Variants in KLHL1 observed in about 807,000 individuals in gnomAD.
KLHL1 encodes the protein kelch like family member 1.
In KLHL1, 47 loss-of-function variants were observed where a neutral mutation model predicts 77.7. The ratio of observed to expected loss-of-function variants is 0.60; its 90% CI spans 0.48 to 0.77. The LOEUF (loss-of-function observed/expected upper bound fraction) is 0.77, where lower values mean the gene tolerates loss of function less well. Among genes scored for constraint, KLHL1 ranks in the 30% least tolerant of loss-of-function variants. The pLI, the probability that KLHL1 is intolerant of heterozygous loss-of-function variation, is 0.00. For missense variants in KLHL1, 925 were observed against 910.8 expected (o/e 1.02, Z -0.20); for synonymous variants, 360 against 325.2 (o/e 1.11, Z -1.15).
chr13:69,934,716 C>A (rs1403125954), intron 4 of KLHL1, among the ~76,000 whole-genome samples: 1 of 151,270 alleles, frequency 6.6e-6, no homozygotes, highest in East Asian at 1.9e-4. Flanking sequence ...TTGTCCCTCT[C>A]CACCATCCCA....
intron 9 of KLHL1, among the ~76,000 whole-genome samples, chr13:69,710,529 GAA>G (rs1229874242): frequency 6.6e-6 from 1 of 151,938 alleles, no homozygotes; most frequent in Non-Finnish European, 1.5e-5. Context: ...TTTAGGAAGA[GAA>G]GAGATCACAC....
At chr13:70,057,577 C>T (rs955012360) in intron 1 of KLHL1, among the ~76,000 whole-genome samples, 5 of 148,398 alleles carry the variant, frequency 3.4e-5, no homozygotes, top group Non-Finnish European at 7.4e-5. Context: ...GAGATCGAGA[C>T]CATCCTGGCT....
chr13:69,952,539 A>G (rs1641025607), intron 3 of KLHL1, among the ~76,000 whole-genome samples: 1 of 151,298 alleles, frequency 6.6e-6, no homozygotes, highest in African/African-American at 2.4e-5. Flanking sequence ...TCTCTGGTTG[A>G]GTATTGTGAC....
At chr13:69,899,210 G>C (rs1438903061) in intron 4 of KLHL1, among the ~76,000 whole-genome samples, 1 of 152,150 alleles carries the variant, frequency 6.6e-6, no homozygotes, top group African/African-American at 2.4e-5. Flanking sequence ...TTGTTGCATG[G>C]CTCTTCAGAC....
intron 4 of KLHL1, among the ~76,000 whole-genome samples, chr13:69,926,952 A>G (rs1426701201): frequency 1.4e-5 from 2 of 147,850 alleles, no homozygotes; most frequent in African/African-American, 4.9e-5. Flanking sequence ...ATCTCAAAAA[A>G]AAAAAAAAAA....
chr13:69,755,385 C>T (rs1874664721), intron 7 of KLHL1, among the ~76,000 whole-genome samples: 1 of 151,950 alleles, frequency 6.6e-6, no homozygotes, highest in Admixed American at 6.6e-5. Flanking sequence ...CCTGCAGAAC[C>T]ATGAGCCAAT....
intron 1 of KLHL1, among the ~76,000 whole-genome samples, chr13:70,054,980 TAGAGAC>T (rs1886709602): frequency 6.6e-6 from 1 of 151,240 alleles, no homozygotes; most frequent in Non-Finnish European, 1.5e-5. Flanking sequence ...AGGGAGGAGA[TAGAGAC>T]ATAAATTGGG....
chr13:70,085,745 T>A (rs1452318109), intron 1 of KLHL1, among the ~76,000 whole-genome samples: 2 of 152,060 alleles, frequency 1.3e-5, no homozygotes, highest in African/African-American at 4.8e-5. Flanking sequence ...GCACCTGTAA[T>A]CCCAGCTACT....
At chr13:69,844,045 A>C (rs971536224) in intron 5 of KLHL1, among the ~76,000 whole-genome samples, 2 of 151,666 alleles carry the variant, frequency 1.3e-5, no homozygotes, top group East Asian at 3.9e-4. Context: ...GATAAGGATT[A>C]TATCAAATTT....
intron 5 of KLHL1, among the ~76,000 whole-genome samples, chr13:69,846,328 AG>A (rs1879458550): frequency 6.6e-6 from 1 of 151,564 alleles, no homozygotes. Context: ...GATGCGTTAT[AG>A]GGTAACCCAG....
chr13:69,893,320 C>T (rs1459518789), intron 4 of KLHL1, among the ~76,000 whole-genome samples: 2 of 150,896 alleles, frequency 1.3e-5, no homozygotes, highest in Non-Finnish European at 3.0e-5. Flanking sequence ...CTGCAAGCTC[C>T]GCTTCCCGGG....
chr13:69,919,167 TA>T (rs1882546233), intron 4 of KLHL1, among the ~76,000 whole-genome samples: 1 of 152,052 alleles, frequency 6.6e-6, no homozygotes, highest in Non-Finnish European at 1.5e-5. Context: ...ATATTATACT[TA>T]ATAAAAAGAA....
intron 1 of KLHL1, among the ~76,000 whole-genome samples, chr13:70,057,625 A>C (rs1337360276): frequency 6.6e-6 from 1 of 150,450 alleles, no homozygotes; most frequent in Non-Finnish European, 1.5e-5. Flanking sequence ...AAATACAAAA[A>C]ATTAGCCGGG....
Position 69,811,053 on chromosome 13 carries a change from C to A in KLHL1, c.1415-14091G>T, listed in dbSNP as rs539132158. Among the ~76,000 whole-genome samples the A allele has an allele frequency of 2.7e-4, 41 of 151,352 alleles. 1 individual carries two copies. In the Middle Eastern group the frequency reaches 0.014, roughly 50 times the overall value. ...ATTCTATCAGACATACAAAGAAGAG[C>A]TTGTACCAATCTTACTGAAACAATT... On this transcript the variant is annotated intron_variant, in intron 6 of 10. Transcript: ENST00000377844.
chr13:69,940,280 G>T, intron 3 of KLHL1, 44 bp from the exon 4 acceptor site: 2 of 1,430,686 alleles, frequency 1.4e-6, no homozygotes, highest in South Asian at 1.3e-5. Context: ...TTAAAAACAT[G>T]AAATAATATG....
At chr13:69,719,295 T>C in intron 9 of KLHL1, 74 bp downstream of exon 9, 1 of 1,307,746 alleles carries the variant, frequency 7.6e-7, no homozygotes. Flanking sequence ...ATGCAATTTT[T>C]CCAATCACTT....
intron 3 of KLHL1, among the ~76,000 whole-genome samples, chr13:69,943,860 T>C (rs780387530): frequency 1.3e-5 from 2 of 152,232 alleles, no homozygotes; most frequent in Non-Finnish European, 2.9e-5. Context: ...CTTCTTAGCA[T>C]AGATCTTGAG....
At position 69,949,848 on chromosome 13, in the gene KLHL1, T is replaced by C. The variant is rs74705161; in HGVS notation, c.818-9612A>G. Among the ~76,000 whole-genome samples the C allele has an allele frequency of 3.2e-3, 481 of 151,930 alleles. 11 individuals carry two copies. In the East Asian group the frequency reaches 0.072, roughly 23 times the overall value. ...ACAGTTAACAATGACATTTAAATTT[T>C]ACTGCAATTTAGAATTTTGCTGTCA... On this transcript the variant is annotated intron_variant, in intron 3 of 10. Transcript: ENST00000377844.
Position 69,919,404 on chromosome 13 carries a change from C to T in KLHL1, c.1014+20636G>A, listed in dbSNP as rs1344019706. The stretch of plus-strand genomic sequence containing the variant: ...TTTCTTTACTGGATCCTTTTTTTAG[C>T]TGACATGGTTTGAATTCTATCCATA... On this transcript the variant is annotated intron_variant, in intron 4 of 10. Transcript: ENST00000377844. 2.0e-4 allele frequency among the ~76,000 whole-genome samples: 31 copies of T among 152,066 alleles called. 1 individual carries two copies. Among genetic ancestry groups the T allele is most frequent in the Admixed American group, 2.0e-3 (31 of 15,232 alleles).
Sources: allele counts gnomAD v4.1 joint callset (sites outside exome capture counted in the v4.1 genomes callset), GRCh38; gene constraint gnomAD v4.1.1; transcripts MANE v1.5; gene names NCBI Gene and HGNC (gene_info 2026-07-23, HGNC 2026-07-21).